The following KIAA0753 variants were observed in gnomAD, a reference collection of about 807,000 sequenced individuals.
KIAA0753 encodes KIAA0753.
In KIAA0753, 114 loss-of-function variants were observed where a neutral mutation model predicts 116.9. The ratio of observed to expected loss-of-function variants is 0.98; its 90% CI spans 0.84 to 1.14. The LOEUF is 1.14. KIAA0753 is among the 50% of genes most tolerant of loss of function. The pLI is 0.00. For synonymous variants in KIAA0753, 405 were observed against 413.1 expected, an observed-to-expected ratio of 0.98 and a Z score of 0.24; for missense variants, 1,156 against 1,172.4, an observed-to-expected ratio of 0.99 and a Z score of 0.20.
chr17:6,598,758 AT>A (rs1969649659), intron 14 of KIAA0753, among the ~76,000 whole-genome samples: 1 of 152,278 alleles, frequency 6.6e-6, no homozygotes, highest in African/African-American at 2.4e-5. Flanking sequence ...AAATGTTCTC[AT>A]TTTTTTCCTG....
intron 12 of KIAA0753, among the ~76,000 whole-genome samples, chr17:6,605,754 TCTG>T (rs1970155207): frequency 6.6e-6 from 1 of 152,104 alleles, no homozygotes; most frequent in African/African-American, 2.4e-5. Context: ...ACTGGAAACT[TCTG>T]CAGCAGTGGC....
chr17:6,606,989 C>A, intron 11 of KIAA0753, 27 bp from the exon 12 acceptor site: 1 of 1,599,120 alleles, frequency 6.3e-7, no homozygotes, highest in East Asian at 2.2e-5. Flanking sequence ...AGAGTCACCC[C>A]AACTCTCCTC....
At chr17:6,626,866 C>T (rs936397105) in intron 3 of KIAA0753, among the ~76,000 whole-genome samples, 6 of 152,166 alleles carry the variant, frequency 3.9e-5, no homozygotes, top group Non-Finnish European at 7.3e-5. Flanking sequence ...AACAGTTCCC[C>T]GGTATTAGGC....
At position 6,608,424 on chromosome 17, in the gene KIAA0753, T is replaced by C. The variant is rs1970326084; in HGVS notation, c.1753A>G (p.Thr585Ala). Reference protein sequence around the residue: ...LKVKTSPRDATKEPLQQEDPQ... With the variant: ...LKVKTSPRDAAKEPLQQEDPQ... ...TCTTCTTGCTGGAGAGGCTCTTTTG[T>C]GGCATCTCTGGGGCTAGTTTTCACC... The change falls in exon 10 of 19, where the codon ACA (threonine) becomes GCA (alanine). Residue 585 changes from threonine (T) to alanine (A), a missense_variant. Physicochemically the swap from Thr to Ala is moderately conservative, Grantham distance 58. Coordinates refer to ENST00000361413, the MANE Select transcript of KIAA0753 (RefSeq NM_014804.3). The C allele has an allele frequency of 6.4e-7, 1 of 1,566,268 alleles. No homozygotes were observed. Among genetic ancestry groups the C allele is most frequent in the African/African-American group, 1.4e-5 (1 of 73,100 alleles).
intron 18 of KIAA0753, among the ~76,000 whole-genome samples, chr17:6,580,899 T>TACACACACACACACACACAC (rs33914667): frequency 3.5e-5 from 5 of 143,944 alleles, no homozygotes; most frequent in African/African-American, 1.1e-4. Context: ...TGCTCCTCTG[T>TACACACACACACACACACAC]ACACACACAC....
chr17:6,586,954 A>C (rs1379509721), intron 18 of KIAA0753, among the ~76,000 whole-genome samples: 1 of 152,210 alleles, frequency 6.6e-6, no homozygotes, highest in Non-Finnish European at 1.5e-5. Flanking sequence ...AAACTAAAAA[A>C]GAAGAGATAG....
chr17:6,593,988 T>A (rs1371715766), intron 16 of KIAA0753, among the ~76,000 whole-genome samples: 3 of 152,168 alleles, frequency 2.0e-5, no homozygotes, highest in African/African-American at 7.2e-5. Context: ...TTGGCAAGGA[T>A]GTAGGAAATA....
chr17:6,597,049 G>T (rs182050682), intron 14 of KIAA0753, among the ~76,000 whole-genome samples: 43 of 152,184 alleles, frequency 2.8e-4, no homozygotes, highest in African/African-American at 9.9e-4. Context: ...TGCAAATTTG[G>T]GCAAGTTTAC....
At chr17:6,619,314 T>G (rs917226864) in intron 7 of KIAA0753, among the ~76,000 whole-genome samples, 2 of 152,196 alleles carry the variant, frequency 1.3e-5, no homozygotes, top group African/African-American at 4.8e-5. Flanking sequence ...ATTTCTTAGA[T>G]GCCGGTAATA....
At chr17:6,627,939 A>G (rs976730825) in intron 3 of KIAA0753, among the ~76,000 whole-genome samples, 178 bp downstream of exon 3, 1 of 152,172 alleles carries the variant, frequency 6.6e-6, no homozygotes, top group African/African-American at 2.4e-5. Context: ...GAGCTGGGGC[A>G]AGACACTGTT....
chr17:6,609,912 C>T, intron 9 of KIAA0753, 82 bp downstream of exon 9: 1 of 1,479,216 alleles, frequency 6.8e-7, no homozygotes, highest in Non-Finnish European at 9.2e-7. Context: ...TTAATTTGCT[C>T]CTTATAAGCT....
At chr17:6,636,247 T>G (rs1388504648) in intron 1 of KIAA0753, 1 of 152,210 alleles carries the variant, frequency 6.6e-6, no homozygotes, top group Non-Finnish European at 1.5e-5. Context: ...TTTCTAAGGC[T>G]GTAGCACACA....
intron 16 of KIAA0753, among the ~76,000 whole-genome samples, chr17:6,592,912 CTCTA>C (rs946736856): frequency 7.2e-5 from 11 of 151,986 alleles, no homozygotes; most frequent in African/African-American, 2.7e-4. Context: ...TTTGTAAAAC[CTCTA>C]TCTAAGTAGA....
chr17:6,628,981 C>T (rs1971861524), intron 2 of KIAA0753, among the ~76,000 whole-genome samples: 1 of 152,188 alleles, frequency 6.6e-6, no homozygotes, highest in Non-Finnish European at 1.5e-5. Context: ...TAATGTCATA[C>T]TGGGAACCAT....
chr17:6,623,227 T>C (rs184896800), intron 5 of KIAA0753, 130 bp from the exon 6 acceptor site: 2 of 939,698 alleles, frequency 2.1e-6, no homozygotes, highest in South Asian at 3.5e-5. Flanking sequence ...AACTTTTTCA[T>C]AGTAAAGGGA....
chr17:6,634,734 A>C (rs763489179), intron 2 of KIAA0753: 4 of 258,404 alleles, frequency 1.5e-5, no homozygotes, highest in Non-Finnish European at 2.3e-5. Flanking sequence ...ATTTCTTATA[A>C]GAAATGGTAT....
chr17:6,611,866 T>C (rs1186489269), intron 8 of KIAA0753, 53 bp downstream of exon 8: 6 of 1,494,092 alleles, frequency 4.0e-6, no homozygotes, highest in South Asian at 3.4e-5. Flanking sequence ...TTATGTGACC[T>C]TGACAATGTC....
intron 4 of KIAA0753, among the ~76,000 whole-genome samples, chr17:6,624,192 A>G (rs933777821): frequency 6.6e-6 from 1 of 152,218 alleles, no homozygotes; most frequent in Non-Finnish European, 1.5e-5. Flanking sequence ...AAAATCCATC[A>G]CAATGTAAAG....
intron 5 of KIAA0753, 29 bp from the exon 6 acceptor site, chr17:6,623,126 T>C: frequency 6.3e-7 from 1 of 1,577,844 alleles, no homozygotes; most frequent in Non-Finnish European, 8.7e-7. Context: ...AGAGAAGTTA[T>C]TTCCATACTC....
Sources: allele counts gnomAD v4.1 joint callset (sites outside exome capture counted in the v4.1 genomes callset), GRCh38; gene constraint gnomAD v4.1.1; transcripts MANE v1.5; gene names NCBI Gene and HGNC (gene_info 2026-07-23, HGNC 2026-07-21).